Variants in ADAM32 observed in about 807,000 individuals in gnomAD.
ADAM32 encodes the protein disintegrin and metalloproteinase domain-containing protein 32.
ADAM32 carries 89 observed loss-of-function variants against 114.9 expected under a neutral mutation model. The observed-to-expected ratio is 0.77, with a 90% confidence interval of 0.65 to 0.92. The LOEUF (loss-of-function observed/expected upper bound fraction) is 0.92, where lower values mean the gene tolerates loss of function less well. ADAM32 is among the 40% of genes least tolerant of loss of function. The pLI is 0.00. For missense variants in ADAM32, 870 were observed against 932.8 expected, an observed-to-expected ratio of 0.93 and a Z score of 0.88; for synonymous variants, 285 against 307.5, an observed-to-expected ratio of 0.93 and a Z score of 0.77.
intron 12 of ADAM32, among the ~76,000 whole-genome samples, chr8:39,219,343 C>G (rs1489890402): frequency 6.6e-6 from 1 of 152,102 alleles, no homozygotes; most frequent in African/African-American, 2.4e-5. Flanking sequence ...TCATTGCAGT[C>G]CTTGTGTCAT....
chr8:39,112,138 A>G (rs1840186330), intron 1 of ADAM32, among the ~76,000 whole-genome samples: 1 of 152,204 alleles, frequency 6.6e-6, no homozygotes, highest in African/African-American at 2.4e-5. Flanking sequence ...ATTTTTAAAG[A>G]AAACGACTAT....
At chr8:39,169,812 T>C in intron 9 of ADAM32, 104 bp from the exon 10 acceptor site, 1 of 784,078 alleles carries the variant, frequency 1.3e-6, no homozygotes, top group East Asian at 2.7e-5. Flanking sequence ...CTCAATTTGC[T>C]TCAGATTTGG....
intron 11 of ADAM32, among the ~76,000 whole-genome samples, chr8:39,196,113 G>T (rs1422512653): frequency 6.6e-6 from 1 of 152,104 alleles, no homozygotes; most frequent in Non-Finnish European, 1.5e-5. Context: ...TTGTAAATGA[G>T]ATTGCTTTCT....
intron 22 of ADAM32, among the ~76,000 whole-genome samples, chr8:39,277,860 C>T (rs905136654): frequency 6.6e-6 from 1 of 152,244 alleles, no homozygotes; most frequent in African/African-American, 2.4e-5. Flanking sequence ...TTAGCTTGGA[C>T]AGCTTAAGTA....
intron 15 of ADAM32, among the ~76,000 whole-genome samples, chr8:39,232,568 G>A (rs1306517185): frequency 6.6e-6 from 1 of 152,148 alleles, no homozygotes; most frequent in East Asian, 1.9e-4. Flanking sequence ...CTATATGCCA[G>A]ACACTGGGCT....
chr8:39,274,226 A>C (rs1812930740), intron 20 of ADAM32, 86 bp from the exon 21 acceptor site: 1 of 1,251,070 alleles, frequency 8.0e-7, no homozygotes, highest in African/African-American at 1.5e-5. Flanking sequence ...AGATAATACT[A>C]ATTATAAAAT....
At chr8:39,153,354 A>T (rs1159175160) in intron 6 of ADAM32, among the ~76,000 whole-genome samples, 2 of 152,092 alleles carry the variant, frequency 1.3e-5, no homozygotes, top group African/African-American at 2.4e-5. Flanking sequence ...CCTGCCCAGA[A>T]CCCCTCATAT....
At chr8:39,143,932 T>C (rs1037209824) in intron 3 of ADAM32, among the ~76,000 whole-genome samples, 12 of 152,196 alleles carry the variant, frequency 7.9e-5, no homozygotes, top group African/African-American at 2.7e-4. Flanking sequence ...TAATGGCAGA[T>C]GACCCTTCCC....
chr8:39,194,033 A>G (rs1364008446), intron 11 of ADAM32, among the ~76,000 whole-genome samples: 2 of 152,098 alleles, frequency 1.3e-5, no homozygotes, highest in Non-Finnish European at 2.9e-5. Flanking sequence ...CAGTTGCAGG[A>G]GGGTGCTAGT....
rs10101545 is a variant in ADAM32, at chr8:39,137,737, C to A, written c.200+1019C>A. On this transcript the variant is annotated intron_variant, in intron 3 of 24. Coordinates refer to ENST00000379907, the MANE Select transcript of ADAM32 (RefSeq NM_145004.7). Reference sequence around the variant, plus strand: ...AGTGAGCCGAGATGGTGCCACTGCACGCCAGCCTGGGTGACAGAGTGAGAC... The same window carrying A: ...AGTGAGCCGAGATGGTGCCACTGCAAGCCAGCCTGGGTGACAGAGTGAGAC... Among the ~76,000 whole-genome samples the A allele has an allele frequency of 7.1e-3, 1,040 of 147,210 alleles. 21 individuals are homozygous for A. The highest frequency in any genetic ancestry group is 0.025 in the African/African-American group (982 of 39,856).
At chr8:39,134,103 G>A (rs1004308336) in intron 2 of ADAM32, among the ~76,000 whole-genome samples, 1 of 152,154 alleles carries the variant, frequency 6.6e-6, no homozygotes, top group African/African-American at 2.4e-5. Flanking sequence ...GTTCCAGCTG[G>A]CGTTGCGCTG....
chr8:39,142,233 G>A (rs1271673746), intron 3 of ADAM32, among the ~76,000 whole-genome samples: 1 of 152,144 alleles, frequency 6.6e-6, no homozygotes, highest in Non-Finnish European at 1.5e-5. Flanking sequence ...GTGTGAATTT[G>A]ATCCTGTCAT....
Position 39,211,341 on chromosome 8 carries a change from G to A in ADAM32, c.1233+17G>A. On this transcript the variant is annotated intron_variant, in intron 12 of 24. Coordinates refer to ENST00000379907, the MANE Select transcript of ADAM32 (RefSeq NM_145004.7). ...ACTGAGGCTGTAAGTATGATAACTAGGAAAATTGATTAATAAATTTATTGT... is the reference window on the plus strand; with the variant it reads ...ACTGAGGCTGTAAGTATGATAACTAAGAAAATTGATTAATAAATTTATTGT... The A allele has an allele frequency of 1.4e-6, 2 of 1,440,824 alleles. No individual in the cohort carries two copies. The highest frequency in any genetic ancestry group is 9.1e-7 in the Non-Finnish European group (1 of 1,095,710). 89.3% of individuals were successfully genotyped at this position (1,440,824 alleles called of 1,614,324 possible). A position where few individuals can be genotyped will look rare whatever the true frequency, so the allele number is the denominator to read the frequency against.
intron 22 of ADAM32, chr8:39,276,155 G>A (rs1218148459): frequency 6.6e-6 from 2 of 303,898 alleles, no homozygotes; most frequent in Non-Finnish European, 1.2e-5. Context: ...TTCATAAAAA[G>A]GATCTTTTTG....
intron 10 of ADAM32, among the ~76,000 whole-genome samples, chr8:39,182,547 CTT>C (rs1017309726): frequency 6.6e-6 from 1 of 152,142 alleles, no homozygotes; most frequent in South Asian, 2.1e-4. Flanking sequence ...CATTCACTCT[CTT>C]AGCATTTTTC....
intron 10 of ADAM32, among the ~76,000 whole-genome samples, chr8:39,180,240 T>A (rs7822982): frequency 6.6e-6 from 1 of 152,096 alleles, no homozygotes; most frequent in Non-Finnish European, 1.5e-5. Context: ...CCCCAGGCAG[T>A]GAGGGGCTTA....
chr8:39,214,960 G>T (rs925359343), intron 12 of ADAM32, among the ~76,000 whole-genome samples: 5 of 152,006 alleles, frequency 3.3e-5, no homozygotes, highest in Admixed American at 6.6e-5. Flanking sequence ...TTTCCCAAGT[G>T]TATGTTCTGG....
intron 11 of ADAM32, among the ~76,000 whole-genome samples, chr8:39,200,453 C>T (rs1564585644): frequency 2.6e-5 from 4 of 151,868 alleles, no homozygotes; most frequent in Non-Finnish European, 5.9e-5. Flanking sequence ...CTCCTTCGCC[C>T]ACTTTTTGAT....
intron 23 of ADAM32, among the ~76,000 whole-genome samples, chr8:39,282,150 C>A (rs1411675781): frequency 6.6e-6 from 1 of 152,162 alleles, no homozygotes; most frequent in Admixed American, 6.5e-5. Flanking sequence ...ATAGAGTGCT[C>A]AAACACTGCA....
Sources: allele counts gnomAD v4.1 joint callset (sites outside exome capture counted in the v4.1 genomes callset), GRCh38; gene constraint gnomAD v4.1.1; transcripts MANE v1.5; gene names NCBI Gene and HGNC (gene_info 2026-07-23, HGNC 2026-07-21).